ZNF652: variants seen among roughly 807,000 people sequenced by gnomAD.
The protein encoded by ZNF652 is zinc finger protein 652.
In ZNF652, 16 loss-of-function variants were observed where a neutral mutation model predicts 45.2. The ratio of observed to expected loss-of-function variants is 0.35; its 90% CI spans 0.24 to 0.54. The LOEUF (loss-of-function observed/expected upper bound fraction) is 0.54. Ranked by LOEUF, ZNF652 falls within the 20% of genes least tolerant of loss-of-function variation. ZNF652 has a pLI of 0.91. For synonymous variants in ZNF652, 250 were observed against 260.6 expected, an observed-to-expected ratio of 0.96 and a Z score of 0.39; for missense variants, 614 against 765.6, an observed-to-expected ratio of 0.80 and a Z score of 2.34.
chr17:49,316,063 T>C (rs9892484), intron 2 of ZNF652, among the ~76,000 whole-genome samples: 4,678 of 152,310 alleles, frequency 0.031, 225 homozygotes, highest in African/African-American at 0.1. Context: ...CGAATATTCA[T>C]TAATATGCAT....
In ZNF652 at chr17:49,346,547, G is replaced by A. The variant is rs910758734; in HGVS notation, c.-259+15362C>T. 7.2e-4 allele frequency among the ~76,000 whole-genome samples: 95 copies of A among 132,602 alleles called. 1 individual carries two copies. Among genetic ancestry groups the A allele is most frequent in the African/African-American group, 2.3e-3 (85 of 36,420 alleles). The allele number at this position is 132,602 out of a possible 152,430, so 87.0% of individuals were successfully genotyped here. On this transcript the variant is annotated intron_variant, in intron 1 of 5. Transcript: ENST00000430262. ...GCCTGGGTGACAAGAGTGAAACTCC[G>A]TCTCAAACAAACAAACAAACTACTA... is the stretch of plus-strand genomic sequence containing the variant.
At position 49,296,958 on chromosome 17, in the gene ZNF652, T is replaced by C. The variant is rs2069485304; in HGVS notation, c.*1455A>G. The C allele has an allele frequency of 6.6e-6, 1 of 152,204 alleles. No individual in the cohort carries two copies. Among genetic ancestry groups the C allele is most frequent in the South Asian group, 2.1e-4 (1 of 4,826 alleles). 9.4% of individuals were successfully genotyped at this position (152,204 alleles called of 1,614,324 possible). A position where few individuals can be genotyped will look rare whatever the true frequency, so the allele number is the denominator to read the frequency against. ...GTTCCCCAAACTTGAAAAAGTAATCTGCCTAAAGGTACTAGAGGTGCTGCT... is the reference window on the plus strand; with the variant it reads ...GTTCCCCAAACTTGAAAAAGTAATCCGCCTAAAGGTACTAGAGGTGCTGCT... On this transcript the variant is annotated 3_prime_UTR_variant, in exon 6 of 6. Coordinates refer to ENST00000430262, the MANE Select transcript of ZNF652 (RefSeq NM_001145365.3).
At position 49,340,038 on chromosome 17, in the gene ZNF652, T is replaced by C. The variant is rs548808465; in HGVS notation, c.-259+21871A>G. ...TGAGCCACCACTCCCAGCCTTGAGT[T>C]TGGACTTTTAAAGATGGGAGAAACA... On this transcript the variant is annotated intron_variant, in intron 1 of 5. Transcript: ENST00000430262. Among the ~76,000 whole-genome samples, 8 of 152,266 alleles carry C rather than the reference T, an allele frequency of 5.3e-5. No homozygotes were observed. In the South Asian group the frequency reaches 6.2e-4, roughly 12 times the overall value.
intron 1 of ZNF652, among the ~76,000 whole-genome samples, chr17:49,338,616 T>C (rs1023544080): frequency 6.6e-6 from 1 of 152,242 alleles, no homozygotes; most frequent in Non-Finnish European, 1.5e-5. Context: ...CATACAGTCA[T>C]GTTTGAGATG....
intron 1 of ZNF652, among the ~76,000 whole-genome samples, chr17:49,342,691 C>T (rs1033289792): frequency 2.0e-5 from 3 of 151,624 alleles, no homozygotes; most frequent in African/African-American, 4.8e-5. Context: ...GGTGACCACA[C>T]GAAAATTTCA....
At chr17:49,308,653 T>C (rs2069664904) in intron 5 of ZNF652, among the ~76,000 whole-genome samples, 1 of 151,932 alleles carries the variant, frequency 6.6e-6, no homozygotes, top group African/African-American at 2.4e-5. Context: ...AATACAAAAA[T>C]TAGCCAGGCA....
intron 1 of ZNF652, among the ~76,000 whole-genome samples, chr17:49,320,708 T>A (rs9889262): frequency 0.27 from 41,740 of 152,118 alleles, 7,001 homozygotes; most frequent in Non-Finnish European, 0.38. Flanking sequence ...TATCTCAAAT[T>A]AAGTAAGGGA....
intron 1 of ZNF652, among the ~76,000 whole-genome samples, chr17:49,348,529 G>T (rs2070235402): frequency 6.9e-6 from 1 of 144,010 alleles, no homozygotes; most frequent in Non-Finnish European, 1.5e-5. Flanking sequence ...GAAAAGAAAA[G>T]AAAAGAAAAG....
rs540703957 is a variant in ZNF652, at chr17:49,298,235, G to T, written c.*178C>A. 8.3e-5 allele frequency: 64 copies of T among 772,686 alleles called. No individual in the cohort carries two copies. The highest frequency in any genetic ancestry group is 1.2e-4 in the Non-Finnish European group (62 of 500,902). 47.9% of individuals were successfully genotyped at this position (772,686 alleles called of 1,614,324 possible). On this transcript the variant is annotated 3_prime_UTR_variant, in exon 6 of 6. Coordinates refer to ENST00000430262, the MANE Select transcript of ZNF652 (RefSeq NM_001145365.3). ...CCCTGGTTTAGATGACAGTCCCTCT[G>T]TGAGCTCAAGGTAGTCTTCTTGTTC...
intron 1 of ZNF652, among the ~76,000 whole-genome samples, chr17:49,345,245 C>T (rs1406418839): frequency 3.3e-5 from 5 of 150,434 alleles, no homozygotes; most frequent in African/African-American, 1.2e-4. Context: ...CTCTGTCACC[C>T]AGGCTGGAGG....
At chr17:49,316,717 A>G in intron 2 of ZNF652, 109 bp downstream of exon 2, 1 of 1,155,406 alleles carries the variant, frequency 8.7e-7, no homozygotes, top group South Asian at 1.6e-5. Context: ...AATTGGTGAA[A>G]ACTGTCCCTT....
Position 49,317,475 on chromosome 17 carries a change from G to T in ZNF652, c.251C>A (p.Thr84Lys). The T allele has an allele frequency of 2.5e-6, 4 of 1,614,086 alleles. No individual in the cohort carries two copies. Among genetic ancestry groups the T allele is most frequent in the South Asian group, 1.1e-5 (1 of 91,066 alleles). ...ETEEQPYFRE[T>K]RAVSDVHAVK... is the part of the protein sequence containing the mutation. ...AGCATGCACGTCAGACACTGCTCTT[G>T]TCTCCCTGAAATATGGCTGTTCTTC... The change falls in exon 2 of 6, where the codon ACA (threonine) becomes AAA (lysine). Residue 84 changes from threonine to lysine, a missense_variant. Thr to Lys is a moderately conservative substitution (Grantham distance 78, BLOSUM62 -1). Transcript: ENST00000430262.
chr17:49,348,405 G>C (rs1176865799), intron 1 of ZNF652, among the ~76,000 whole-genome samples: 3 of 151,316 alleles, frequency 2.0e-5, no homozygotes, highest in Non-Finnish European at 2.9e-5. Context: ...AGGATCACTT[G>C]AGCCCGGGAG....
At chr17:49,311,261 C>G (rs2069707402) in intron 5 of ZNF652, 51 bp downstream of exon 5, 2 of 1,557,886 alleles carry the variant, frequency 1.3e-6, no homozygotes, top group Non-Finnish European at 1.8e-6. Flanking sequence ...CACAGATGAT[C>G]ATCAACAAGT....
chr17:49,338,515 G>A lies in ZNF652; in HGVS notation c.-258-20532C>T, dbSNP rs916748952. On this transcript the variant is annotated intron_variant, in intron 1 of 5. Coordinates refer to ENST00000430262, the MANE Select transcript of ZNF652 (RefSeq NM_001145365.3). ...ATTTAAACCAACCCTAGACTGAGGC[G>A]TCTTGTTACTTGTAAGGATATATTT... 7.2e-5 allele frequency among the ~76,000 whole-genome samples: 11 copies of A among 152,138 alleles called. No homozygotes were observed. In the South Asian group the frequency reaches 1.0e-3, roughly 14 times the overall value.
At chr17:49,347,262 T>C (rs2070214312) in intron 1 of ZNF652, among the ~76,000 whole-genome samples, 1 of 152,180 alleles carries the variant, frequency 6.6e-6, no homozygotes, top group South Asian at 2.1e-4. Flanking sequence ...AAACAAATTA[T>C]AGAATTAAAC....
intron 1 of ZNF652, among the ~76,000 whole-genome samples, chr17:49,339,427 T>C (rs1254291206): frequency 6.6e-6 from 1 of 152,012 alleles, no homozygotes; most frequent in Non-Finnish European, 1.5e-5. Context: ...CATGTTTTAT[T>C]TTCATGTTTG....
chr17:49,332,279 A>G (rs1029198842), intron 1 of ZNF652, among the ~76,000 whole-genome samples: 1 of 152,220 alleles, frequency 6.6e-6, no homozygotes, highest in African/African-American at 2.4e-5. Context: ...TAAATATAAC[A>G]TTTTGAAAAC....
At chr17:49,320,442 C>T (rs1276872107) in intron 1 of ZNF652, among the ~76,000 whole-genome samples, 1 of 152,186 alleles carries the variant, frequency 6.6e-6, no homozygotes, top group Non-Finnish European at 1.5e-5. Context: ...GATCACAAGT[C>T]GCTCAAACGA....
Sources: allele counts gnomAD v4.1 joint callset (sites outside exome capture counted in the v4.1 genomes callset), GRCh38; gene constraint gnomAD v4.1.1; transcripts MANE v1.5; gene names NCBI Gene and HGNC (gene_info 2026-07-23, HGNC 2026-07-21).